The following ZNF385B variants were observed in gnomAD, a reference collection of about 807,000 sequenced individuals.
The protein encoded by ZNF385B is zinc finger protein 533.
In ZNF385B, 23 loss-of-function variants were observed where a neutral mutation model predicts 39.2. That is an observed-to-expected ratio of 0.59 (90% CI 0.42 to 0.83). ZNF385B has a LOEUF of 0.83. ZNF385B is among the 40% of genes least tolerant of loss of function. The probability of loss-of-function intolerance (pLI) is 0.00; values close to 1 mark genes in which losing one functional copy is unlikely to be tolerated. For missense variants in ZNF385B, 552 were observed against 598.9 expected, an observed-to-expected ratio of 0.92 and a Z score of 0.82; for synonymous variants, 205 against 222.6, an observed-to-expected ratio of 0.92 and a Z score of 0.70.
chr2:179,638,151 G>T (rs567333409), intron 3 of ZNF385B, among the ~76,000 whole-genome samples: 2 of 152,268 alleles, frequency 1.3e-5, no homozygotes, highest in African/African-American at 4.8e-5. Context: ...GTACAACATT[G>T]TACCTATAGT....
intron 3 of ZNF385B, among the ~76,000 whole-genome samples, chr2:179,735,007 C>A (rs1485317106): frequency 6.6e-6 from 1 of 151,694 alleles, no homozygotes; most frequent in Non-Finnish European, 1.5e-5. Flanking sequence ...AAAGCAATGG[C>A]AACAAAAGCC....
rs995942115 is a variant in ZNF385B, at chr2:179,798,970, G to A, written c.-154-28298C>T. 5.9e-5 allele frequency among the ~76,000 whole-genome samples: 9 copies of A among 151,734 alleles called. 1 individual carries two copies. The highest frequency in any genetic ancestry group is 5.3e-4 in the Admixed American group (8 of 15,212). On this transcript the variant is annotated intron_variant, in intron 1 of 9. Coordinates refer to ENST00000410066, the MANE Select transcript of ZNF385B (RefSeq NM_152520.6). ...TAAAAGAATAATATTTTATATTAAT[G>A]GTTTATCCATTCTATTTTAGTGATT...
intron 1 of ZNF385B, among the ~76,000 whole-genome samples, chr2:179,829,797 C>G (rs191412938): frequency 3.3e-4 from 50 of 152,222 alleles, no homozygotes; most frequent in East Asian, 9.7e-4. Flanking sequence ...ACAGGCGTGA[C>G]CCACCGCGCC....
chr2:179,660,564 T>G (rs1354931090), intron 3 of ZNF385B, among the ~76,000 whole-genome samples: 1 of 152,226 alleles, frequency 6.6e-6, no homozygotes, highest in Admixed American at 6.5e-5. Flanking sequence ...CTTTTTCCAG[T>G]TTTTATGATG....
At chr2:179,545,305 A>G (rs1022813886) in intron 3 of ZNF385B, among the ~76,000 whole-genome samples, 1 of 152,102 alleles carries the variant, frequency 6.6e-6, no homozygotes, top group African/African-American at 2.4e-5. Flanking sequence ...CCAAAAGTGC[A>G]GGAGAGAAGA....
intron 5 of ZNF385B, among the ~76,000 whole-genome samples, chr2:179,499,179 A>G (rs1416092813): frequency 1.3e-5 from 2 of 152,104 alleles, no homozygotes; most frequent in East Asian, 3.9e-4. Context: ...TGTAACAAAA[A>G]GCTCCCCAGT....
intron 3 of ZNF385B, among the ~76,000 whole-genome samples, chr2:179,573,198 T>C (rs1432711013): frequency 1.3e-5 from 2 of 152,180 alleles, no homozygotes; most frequent in African/African-American, 4.8e-5. Context: ...TTTTCAGACG[T>C]TGCATATGCA....
chr2:179,630,684 C>T (rs961137309), intron 3 of ZNF385B, among the ~76,000 whole-genome samples: 2 of 152,092 alleles, frequency 1.3e-5, no homozygotes, highest in Non-Finnish European at 2.9e-5. Context: ...CATGAACTGA[C>T]GGAAGTAGGC....
intron 3 of ZNF385B, among the ~76,000 whole-genome samples, chr2:179,583,075 C>G (rs1056538751): frequency 3.3e-5 from 5 of 152,144 alleles, no homozygotes; most frequent in Non-Finnish European, 7.3e-5. Context: ...GTCTCAAACT[C>G]CTGACCTCAG....
At chr2:179,785,385 C>T (rs1704933659) in intron 1 of ZNF385B, among the ~76,000 whole-genome samples, 1 of 152,000 alleles carries the variant, frequency 6.6e-6, no homozygotes, top group East Asian at 1.9e-4. Context: ...TATATGCTCA[C>T]AAAGAAAACG....
At chr2:179,493,674 C>CATATAT (rs1177893486) in intron 5 of ZNF385B, among the ~76,000 whole-genome samples, 3 of 115,410 alleles carry the variant, frequency 2.6e-5, no homozygotes, top group Non-Finnish European at 5.8e-5. Context: ...TATGCATATG[C>CATATAT]ATATACATAT....
At chr2:179,760,018 A>T (rs1352969434) in intron 3 of ZNF385B, among the ~76,000 whole-genome samples, 1 of 151,466 alleles carries the variant, frequency 6.6e-6, no homozygotes, top group Non-Finnish European at 1.5e-5. Context: ...AGTTTTCTTG[A>T]ACACCTTGCC....
intron 4 of ZNF385B, among the ~76,000 whole-genome samples, chr2:179,519,867 C>T (rs868291288): frequency 6.6e-6 from 1 of 152,038 alleles, no homozygotes; most frequent in Admixed American, 6.5e-5. Flanking sequence ...TATAAATCGA[C>T]AAAATGCAAA....
intron 3 of ZNF385B, among the ~76,000 whole-genome samples, chr2:179,713,081 G>C (rs1700107504): frequency 6.6e-6 from 1 of 152,144 alleles, no homozygotes; most frequent in African/African-American, 2.4e-5. Context: ...CCCAACTGTA[G>C]GCTAATAAAA....
At chr2:179,490,439 T>C (rs1276858801) in intron 5 of ZNF385B, among the ~76,000 whole-genome samples, 1 of 152,126 alleles carries the variant, frequency 6.6e-6, no homozygotes, top group Non-Finnish European at 1.5e-5. Context: ...ATTTTTCAAA[T>C]GTGTTTATTC....
At chr2:179,446,807 T>C (rs1275326497) in intron 6 of ZNF385B, 37 bp from the exon 7 acceptor site, 11 of 1,554,198 alleles carry the variant, frequency 7.1e-6, no homozygotes, top group Non-Finnish European at 9.5e-6. Context: ...TGAAGCCTCA[T>C]ATATCATATA....
At chr2:179,703,236 T>C (rs1296271691) in intron 3 of ZNF385B, among the ~76,000 whole-genome samples, 1 of 152,186 alleles carries the variant, frequency 6.6e-6, no homozygotes, top group African/African-American at 2.4e-5. Flanking sequence ...CCAACCTATC[T>C]GATATGCACC....
chr2:179,719,345 A>G (rs1263499574), intron 3 of ZNF385B, among the ~76,000 whole-genome samples: 1 of 152,198 alleles, frequency 6.6e-6, no homozygotes, highest in Admixed American at 6.5e-5. Flanking sequence ...TGTCACTTTC[A>G]GTGCTCCCTG....
At chr2:179,588,690 T>G (rs1687304774) in intron 3 of ZNF385B, among the ~76,000 whole-genome samples, 1 of 152,190 alleles carries the variant, frequency 6.6e-6, no homozygotes, top group Admixed American at 6.5e-5. Context: ...CATAATTTGC[T>G]TGACAGCCCT....
Sources: allele counts gnomAD v4.1 joint callset (sites outside exome capture counted in the v4.1 genomes callset), GRCh38; gene constraint gnomAD v4.1.1; transcripts MANE v1.5; gene names NCBI Gene and HGNC (gene_info 2026-07-23, HGNC 2026-07-21).